MSL3: variants seen among roughly 807,000 people sequenced by gnomAD.
MSL3 encodes the protein MSL complex subunit 3, also known as MSL3-like 1.
In MSL3, 5 loss-of-function variants were observed where a neutral mutation model predicts 37.2. The ratio of observed to expected loss-of-function variants is 0.13; its 90% CI spans 0.07 to 0.28. MSL3 has a LOEUF of 0.28. Among genes scored for constraint, MSL3 ranks in the 10% least tolerant of loss-of-function variants. MSL3 has a pLI of 1.00. For missense variants in MSL3, 315 were observed against 408.5 expected, an observed-to-expected ratio of 0.77 and a Z score of 1.97; for synonymous variants, 149 against 147.6, an observed-to-expected ratio of 1.01 and a Z score of -0.07.
intron 4 of MSL3, 98 bp downstream of exon 4, chrX:11,761,035 C>T: frequency 1.7e-6 from 1 of 586,419 alleles, no homozygotes; most frequent in Non-Finnish European, 2.6e-6. Flanking sequence ...ACTTCAAGCT[C>T]ATTATGTATA....
intron 6 of MSL3, 24 bp downstream of exon 6, chrX:11,762,276 C>T: frequency 1.8e-6 from 2 of 1,126,914 alleles, no homozygotes; most frequent in Non-Finnish European, 2.3e-6. Context: ...ATGTATAAAA[C>T]ATTAATTTGT....
intron 9 of MSL3, chrX:11,766,900 C>T (rs751864212): frequency 4.8e-5 from 36 of 753,068 alleles, no homozygotes; most frequent in East Asian, 1.5e-4. Flanking sequence ...TACTTGGAGT[C>T]GAATCCCCAT....
rs1233452000 is a variant in MSL3, at chrX:11,774,999, G to A, written c.1486G>A (p.Asp496Asn). 1.7e-6 allele frequency: 2 copies of A among 1,207,727 alleles called. No homozygotes were observed. The highest frequency in any genetic ancestry group is 2.2e-6 in the Non-Finnish European group (2 of 892,808). Reference protein sequence around the residue: ...LFLRFLAEYHDDFFPESAYVA... With the variant: ...LFLRFLAEYHNDFFPESAYVA... ...TTCCAGGTTTTTAGCAGAATACCACGATGACTTCTTCCCAGAGTCGGCTTA... is the reference window on the plus strand; with the variant it reads ...TTCCAGGTTTTTAGCAGAATACCACAATGACTTCTTCCCAGAGTCGGCTTA... Residue 496 changes from aspartate (D) to asparagine (N), a missense_variant, in exon 13 of 13, where the codon GAT becomes AAT. Coordinates refer to ENST00000312196, the MANE Select transcript of MSL3 (RefSeq NM_078629.4).
intron 9 of MSL3, chrX:11,768,050 G>A: frequency 3.6e-6 from 2 of 556,917 alleles, no homozygotes; most frequent in Non-Finnish European, 4.4e-6. Context: ...CCATTGTAAA[G>A]TGAATAATTC....
At chrX:11,767,914 G>GA in intron 9 of MSL3, 2 of 754,239 alleles carry the variant, frequency 2.7e-6, no homozygotes, top group Non-Finnish European at 3.1e-6. Flanking sequence ...GGTCAGCTGG[G>GA]AAAATTTTTA....
At chrX:11,772,322 A>G in intron 11 of MSL3, 67 bp downstream of exon 11, 1 of 925,329 alleles carries the variant, frequency 1.1e-6, no homozygotes, top group East Asian at 3.1e-5. Context: ...CTTTCTGTAC[A>G]CCTTGTGGTT....
chrX:11,766,270 A>C (rs763869722), intron 9 of MSL3: 92 of 756,968 alleles, frequency 1.2e-4, no homozygotes, highest in Non-Finnish European at 1.4e-4. Context: ...GAGCAAAATA[A>C]ATTAGACAAA....
At chrX:11,772,319 T>C (rs1180176400) in intron 11 of MSL3, 64 bp downstream of exon 11, 1 of 945,325 alleles carries the variant, frequency 1.1e-6, no homozygotes, top group Non-Finnish European at 1.5e-6. Flanking sequence ...TAGCTTTCTG[T>C]ACACCTTGTG....
chrX:11,768,938 A>G (rs1373021446), intron 10 of MSL3: 5 of 286,065 alleles, frequency 1.7e-5, no homozygotes, highest in Non-Finnish European at 1.2e-5. Context: ...TTTACTTTAT[A>G]GAACAGATGT....
chrX:11,769,893 ACT>A (rs1403397803), intron 10 of MSL3, among the ~76,000 whole-genome samples: 12 of 112,971 alleles, frequency 1.1e-4, no homozygotes, highest in African/African-American at 3.9e-4. Context: ...GGCATGAGCC[ACT>A]GTGCCCAGCC....
At chrX:11,766,251 T>C (rs2053182133) in intron 9 of MSL3, 3 of 761,402 alleles carry the variant, frequency 3.9e-6, no homozygotes, top group South Asian at 6.8e-5. Flanking sequence ...TGAGCTGGAA[T>C]GTTTCAATGA....
intron 11 of MSL3, 81 bp from the exon 12 acceptor site, chrX:11,772,540 G>C (rs1266107140): frequency 3.0e-6 from 2 of 670,799 alleles, no homozygotes; most frequent in African/African-American, 4.3e-5. Flanking sequence ...ATAAGGAGGG[G>C]CCCAGACCTT....
At chrX:11,764,597 C>T (rs1380285797) in intron 8 of MSL3, among the ~76,000 whole-genome samples, 2 of 111,361 alleles carry the variant, frequency 1.8e-5, no homozygotes, top group Admixed American at 9.5e-5. Flanking sequence ...GTGGTCTGTT[C>T]TCATGATTTC....
intron 8 of MSL3, 139 bp downstream of exon 8, chrX:11,764,077 G>GT (rs1569094067): frequency 7.2e-6 from 4 of 551,770 alleles, no homozygotes; most frequent in Non-Finnish European, 1.1e-5. Flanking sequence ...TGTCCTGGTG[G>GT]TTTTCTTTTT....
rs1191299941 is a variant in MSL3 at position 11,766,290 on chromosome X, T to G, written c.1171+561T>G. The G allele has an allele frequency of 4.0e-6, 3 of 754,701 alleles. No individual in the cohort carries two copies. The Admixed American group carries it at 2.6e-4, about 65-fold the overall frequency. 62.2% of individuals were successfully genotyped at this position (754,701 alleles called of 1,213,427 possible). On this transcript the variant is annotated intron_variant, in intron 9 of 12. Coordinates refer to ENST00000312196, the MANE Select transcript of MSL3 (RefSeq NM_078629.4). The stretch of plus-strand genomic sequence containing the variant: ...AAATAAATTAGACAAAAGTTTACTT[T>G]CTTTTTTTCCAAAATACACACAGGT...
In MSL3 at chrX:11,760,908, C is replaced by G; in HGVS notation, c.353C>G (p.Thr118Ser). The change falls in exon 4 of 13, where the codon ACT becomes AGT. Residue 118 changes from threonine to serine, a missense_variant. Transcript: ENST00000312196. ...GVDSVLKGLP[T>S]EEKDENDENS... ...GACTCTGTCTTAAAAGGCCTCCCCA[C>G]TGAAGAAAAAGATGAAAATGATGAA... 2 of 1,197,264 alleles carry G rather than the reference C, an allele frequency of 1.7e-6. No homozygotes were observed. Among genetic ancestry groups the G allele is most frequent in the South Asian group, 3.7e-5 (2 of 54,328 alleles).
intron 10 of MSL3, among the ~76,000 whole-genome samples, chrX:11,770,012 C>T (rs1435398531): frequency 8.9e-6 from 1 of 112,978 alleles, no homozygotes; most frequent in African/African-American, 3.2e-5. Context: ...GACTGCTCAA[C>T]TCTGCTGTTC....
At chrX:11,773,491 G>A (rs761359778) in intron 12 of MSL3, among the ~76,000 whole-genome samples, 1 of 112,230 alleles carries the variant, frequency 8.9e-6, no homozygotes, top group East Asian at 2.8e-4. Flanking sequence ...AAATCGTCTT[G>A]TGGTTTTAAG....
In MSL3 at chrX:11,762,161, A is replaced by G. The variant is rs1452303965; in HGVS notation, c.497A>G (p.Glu166Gly). ...KEEPELQTRR[E>G]MEERTITIEI... ...GAACCAGAGCTTCAAACAAGAAGGG[A>G]AATGGAAGAAAGAACAATAACTATA... The change falls in exon 6 of 13, where the codon GAA (glutamate) becomes GGA (glycine). Residue 166 changes from glutamate (E) to glycine (G), a missense_variant. Glu to Gly is a moderately conservative substitution (Grantham distance 98, BLOSUM62 -2). Coordinates refer to ENST00000312196, the MANE Select transcript of MSL3 (RefSeq NM_078629.4). 1 of 1,159,796 alleles carries G rather than the reference A, an allele frequency of 8.6e-7. No homozygotes were observed. Among genetic ancestry groups the G allele is most frequent in the Non-Finnish European group, 1.2e-6 (1 of 868,697 alleles).
Sources: gnomAD v4.1 joint callset for allele counts (sites outside exome capture counted in the v4.1 genomes callset) on GRCh38, gnomAD v4.1.1 for gene constraint, MANE v1.5 for transcripts, NCBI Gene and HGNC (gene_info 2026-07-23, HGNC 2026-07-21) for gene names.